Variants in WRN observed in about 807,000 individuals in gnomAD.
WRN encodes the protein WRN RecQ like helicase, also known as bifunctional 3'-5' exonuclease/ATP-dependent helicase WRN.
WRN carries 149 observed loss-of-function variants against 180.7 expected under a neutral mutation model. That is an observed-to-expected ratio of 0.82 (90% CI 0.72 to 0.94). The LOEUF (loss-of-function observed/expected upper bound fraction) is 0.94, where lower values mean the gene tolerates loss of function less well. WRN is among the 40% of genes least tolerant of loss of function. The pLI, the probability that WRN is intolerant of heterozygous loss-of-function variation, is 0.00. For missense variants in WRN, 1,661 were observed against 1,700.1 expected (o/e 0.98, Z 0.40); for synonymous variants, 548 against 568.9 (o/e 0.96, Z 0.52).
intron 1 of WRN, among the ~76,000 whole-genome samples, chr8:31,053,622 C>T (rs1249965527): frequency 2.0e-5 from 3 of 152,112 alleles, no homozygotes; most frequent in Admixed American, 6.5e-5. Context: ...AAAGTGGTAT[C>T]CTTAACTGAC....
In WRN at chr8:31,080,854, A is replaced by ATT; in HGVS notation, c.840-4_840-3dup. 4.2e-6 allele frequency: 6 copies of ATT among 1,422,928 alleles called. No individual in the cohort carries two copies. The highest frequency in any genetic ancestry group is 1.9e-5 in the Admixed American group (1 of 51,594). The allele number at this position is 1,422,928 out of a possible 1,614,324, so 88.1% of individuals were successfully genotyped here. ...ATTGAAGTTGAATTAATCTTTCTTA[A>ATT]TTTTTTTTTTAGGGTTTCTATCTTA... On this transcript the variant is annotated splice_polypyrimidine_tract_variant and intron_variant, in intron 8 of 34. Transcript: ENST00000298139.
chr8:31,163,112 G>A (rs758324106), intron 33 of WRN, among the ~76,000 whole-genome samples: 14 of 152,220 alleles, frequency 9.2e-5, no homozygotes, highest in Non-Finnish European at 1.6e-4. Flanking sequence ...GTGCACACGC[G>A]CACGCATGCG....
At chr8:31,092,999 C>G (rs1351913868) in intron 16 of WRN, among the ~76,000 whole-genome samples, 2 of 152,110 alleles carry the variant, frequency 1.3e-5, no homozygotes, top group African/African-American at 4.8e-5. Context: ...GGCTAGAGTA[C>G]AGTGGCGCAA....
intron 18 of WRN, among the ~76,000 whole-genome samples, chr8:31,102,622 A>T (rs747540882): frequency 1.1e-4 from 17 of 152,328 alleles, no homozygotes; most frequent in Non-Finnish European, 2.1e-4. Flanking sequence ...CACAGTAAAA[A>T]TACAGTATAA....
rs73670447 is a variant in WRN, at chr8:31,100,988, A to G, written c.2088+33A>G. The G allele has an allele frequency of 6.2e-3, 9,669 of 1,567,230 alleles. 306 individuals carry two copies. The African/African-American group carries it at 0.087, about 14-fold the overall frequency. On this transcript the variant is annotated intron_variant, in intron 18 of 34. Transcript: ENST00000298139. ...TTGCCAAGTCTGATGTCCCGAAATT[A>G]CATTCTTAATAAGGAGAGCATTCAG...
Position 31,096,712 on chromosome 8 carries a change from A to G in WRN, c.1899-56A>G, listed in dbSNP as rs539319776. On this transcript the variant is annotated intron_variant, in intron 16 of 34. Transcript: ENST00000298139. ...GAGATGATTGTTTTCTTTATTGTTAATATGTTTCCCTTCCTGTTTTTTTTT... is the reference window on the plus strand; with the variant it reads ...GAGATGATTGTTTTCTTTATTGTTAGTATGTTTCCCTTCCTGTTTTTTTTT... 532 of 1,351,974 alleles carry G rather than the reference A, an allele frequency of 3.9e-4. 1 individual carries two copies. In the African/African-American group the frequency reaches 7.0e-3, roughly 18 times the overall value. The allele number at this position is 1,351,974 out of a possible 1,614,324, so 83.7% of individuals were successfully genotyped here. A position where few individuals can be genotyped will look rare whatever the true frequency, so the allele number is the denominator to read the frequency against.
In WRN at chr8:31,174,155, G is replaced by A. The variant is rs1035715074; in HGVS notation, c.*1053G>A. Among the ~76,000 whole-genome samples, 2 of 152,070 alleles carry A rather than the reference G, an allele frequency of 1.3e-5. No individual in the cohort carries two copies. The highest frequency in any genetic ancestry group is 2.4e-5 in the African/African-American group (1 of 41,396). On this transcript the variant is annotated 3_prime_UTR_variant, in exon 35 of 35. Coordinates refer to ENST00000298139, the MANE Select transcript of WRN (RefSeq NM_000553.6). Reference sequence around the variant, plus strand: ...TTTTTAGTTAAAATATAAAAGTCTCGTATATTCCCATTTTTCTGCATTGCA... The same window carrying A: ...TTTTTAGTTAAAATATAAAAGTCTCATATATTCCCATTTTTCTGCATTGCA...
chr8:31,037,389 C>A (rs1811490587), intron 1 of WRN, among the ~76,000 whole-genome samples: 1 of 152,218 alleles, frequency 6.6e-6, no homozygotes. Flanking sequence ...TGCTCACCTA[C>A]TGCTTTGTGG....
rs1370182620 is a variant in WRN at position 31,064,343 on chromosome 8, A to G, written c.264A>G (p.Leu88=). The G allele has an allele frequency of 1.2e-6, 2 of 1,614,026 alleles. No homozygotes were observed. Among genetic ancestry groups the G allele is most frequent in the African/African-American group, 1.3e-5 (1 of 74,936 alleles). Residue 88 remains leucine (L), a synonymous_variant, in exon 4 of 35, where the codon TTA becomes TTG. Transcript: ENST00000298139. Reference sequence around the variant, plus strand: ...GATTTGACATGGAGTGGCCACCATTATACAATAGAGGGAAACTTGGCAAAG... The same window carrying G: ...GATTTGACATGGAGTGGCCACCATTGTACAATAGAGGGAAACTTGGCAAAG... ...VVGFDMEWPP[L]YNRGKLGKVA...
chr8:31,082,904 T>G (rs1344319320), intron 9 of WRN, among the ~76,000 whole-genome samples: 4 of 152,234 alleles, frequency 2.6e-5, no homozygotes, highest in Non-Finnish European at 5.9e-5. Context: ...AGTATTGCTT[T>G]CTTTATTCGT....
At chr8:31,091,700 G>A in intron 15 of WRN, 130 bp from the exon 16 acceptor site, 2 of 921,314 alleles carry the variant, frequency 2.2e-6, no homozygotes, top group South Asian at 1.6e-5. Context: ...AAGTTAGTAA[G>A]TGACAAAAAA....
intron 23 of WRN, among the ~76,000 whole-genome samples, chr8:31,127,411 G>C (rs1033441017): frequency 6.6e-6 from 1 of 152,026 alleles, no homozygotes; most frequent in East Asian, 1.9e-4. Flanking sequence ...ATTTGCCTAT[G>C]TTAATTGAAA....
At position 31,058,371 on chromosome 8, in the gene WRN, G is replaced by A. The variant is rs1812354934; in HGVS notation, c.-76-1G>A. 2 of 1,288,454 alleles carry A rather than the reference G, an allele frequency of 1.6e-6. No individual in the cohort carries two copies. The highest frequency in any genetic ancestry group is 2.9e-5 in the African/African-American group (2 of 67,800). 79.8% of individuals were successfully genotyped at this position (1,288,454 alleles called of 1,614,324 possible). On this transcript the variant is annotated splice_acceptor_variant, in intron 1 of 34. Transcript: ENST00000298139. LOFTEE classifies it low-confidence loss of function (5UTR_SPLICE). ...TTCATATTGACAGTACTACCTCTCA[G>A]TTTTCTTTCAGATATTGTTTTGTAT...
chr8:31,149,521 C>T (rs1585526111), intron 30 of WRN, among the ~76,000 whole-genome samples: 1 of 96,154 alleles, frequency 1.0e-5, no homozygotes, highest in South Asian at 4.5e-4. Context: ...GTCACCTAGG[C>T]TAGAGTGCAG....
chr8:31,129,540 C>T (rs1290554843), intron 23 of WRN, among the ~76,000 whole-genome samples: 5 of 151,918 alleles, frequency 3.3e-5, no homozygotes, highest in African/African-American at 4.8e-5. Context: ...AGTAAATAAG[C>T]AGATAAACAA....
chr8:31,050,261 G>A (rs1440190887), intron 1 of WRN, among the ~76,000 whole-genome samples: 1 of 152,080 alleles, frequency 6.6e-6, no homozygotes, highest in East Asian at 1.9e-4. Context: ...CTGTGTTATA[G>A]GCCAATAAAA....
chr8:31,045,837 A>G (rs1050820003), intron 1 of WRN, among the ~76,000 whole-genome samples: 2 of 152,282 alleles, frequency 1.3e-5, no homozygotes, highest in South Asian at 4.1e-4. Context: ...ATGTAAACTC[A>G]CGTGGTTCAA....
intron 33 of WRN, among the ~76,000 whole-genome samples, chr8:31,162,918 AAAAT>A (rs1354451980): frequency 6.6e-6 from 1 of 152,246 alleles, no homozygotes; most frequent in Admixed American, 6.5e-5. Context: ...CATAGATGGT[AAAAT>A]TTTATGGTGT....
In WRN at chr8:31,081,025, T is replaced by G. The variant is rs530437272; in HGVS notation, c.998T>G (p.Ile333Ser). 4 of 1,613,936 alleles carry G rather than the reference T, an allele frequency of 2.5e-6. No individual in the cohort carries two copies. The African/African-American group carries it at 5.3e-5, about 22-fold the overall frequency. ...STTGGVQQKQIREHEVLIHVE... is the reference protein window; with the variant it reads ...STTGGVQQKQSREHEVLIHVE... ...ACTGGGGGAGTACAACAGAAACAAATTAGAGAACATGAAGTTTTAATTCAC... is the reference window on the plus strand; with the variant it reads ...ACTGGGGGAGTACAACAGAAACAAAGTAGAGAACATGAAGTTTTAATTCAC... The change falls in exon 9 of 35, where the codon ATT becomes AGT. Residue 333 changes from isoleucine (I) to serine (S), a missense_variant. Physicochemically the swap from Ile to Ser is moderately radical, Grantham distance 142 (BLOSUM62 -2). Around this residue, in one of 3 missense-constraint regions of WRN, gnomAD observed 500 missense variants for 504.1 expected, o/e 0.99. Transcript: ENST00000298139.
Sources: gnomAD v4.1 joint callset for allele counts (sites outside exome capture counted in the v4.1 genomes callset) on GRCh38, gnomAD v4.1.1 for gene constraint, gnomAD v4.1.1 regional missense constraint, MANE v1.5 for transcripts, NCBI Gene and HGNC (gene_info 2026-07-23, HGNC 2026-07-21) for gene names.